WDR87: variants seen among roughly 807,000 people sequenced by gnomAD.
WDR87 encodes WD repeat-containing protein 87.
In WDR87, 56 loss-of-function variants were observed where a neutral mutation model predicts 83.3. That is an observed-to-expected ratio of 0.67 (90% confidence interval 0.54 to 0.84). The LOEUF is 0.84. Among genes scored for constraint, WDR87 ranks in the 40% least tolerant of loss-of-function variants. The pLI, the probability that WDR87 is intolerant of heterozygous loss-of-function variation, is 0.00. For synonymous variants in WDR87, 1,173 were observed against 1,250.6 expected, an observed-to-expected ratio of 0.94 and a Z score of 1.31; for missense variants, 2,939 against 3,431.9, an observed-to-expected ratio of 0.86 and a Z score of 3.59.
chr19:37,898,749 T>G (rs1384874377), intron 1 of WDR87, among the ~76,000 whole-genome samples: 2 of 152,230 alleles, frequency 1.3e-5, no homozygotes, highest in Admixed American at 1.3e-4. Context: ...CTGCTGTTTG[T>G]AGGCTGGCCT....
At chr19:37,906,289 C>T (rs2046328073) in intron 1 of WDR87, among the ~76,000 whole-genome samples, 1 of 152,086 alleles carries the variant, frequency 6.6e-6, no homozygotes, top group South Asian at 2.1e-4. Flanking sequence ...ACACTAGTTA[C>T]CCTCAGGAAT....
At position 37,893,113 on chromosome 19, in the gene WDR87, A is replaced by C. The variant is rs765721311; in HGVS notation, c.2590T>G (p.Trp864Gly). 24 of 1,551,666 alleles carry C rather than the reference A, an allele frequency of 1.5e-5. No homozygotes were observed. The highest frequency in any genetic ancestry group is 2.0e-5 in the Non-Finnish European group (23 of 1,147,028). Residue 864 changes from tryptophan to glycine, a missense_variant, in exon 4 of 6, where the codon TGG (tryptophan) becomes GGG (glycine). Physicochemically the swap from Trp to Gly is radical, Grantham distance 184 (BLOSUM62 -2). Around this residue, in one of 3 missense-constraint regions of WDR87, gnomAD observed 2,160 missense variants for 2,533.1 expected, o/e 0.85. Transcript: ENST00000447313. ...CTTATAGCTCTTACCCTGCTGTGCC[A>C]GAAAAAGAATTCTTGAGACCTGTCC... Reference protein sequence around the residue: ...EWDRSQEFFFWHSRVRAISNT... With the variant: ...EWDRSQEFFFGHSRVRAISNT...
chr19:37,898,000 T>C (rs2046269682), intron 2 of WDR87, among the ~76,000 whole-genome samples, 165 bp downstream of exon 2: 1 of 152,212 alleles, frequency 6.6e-6, no homozygotes, highest in African/African-American at 2.4e-5. Flanking sequence ...GAGAAGTCTG[T>C]GACTCATGGA....
chr19:37,887,648 CTT>C lies in WDR87; in HGVS notation c.6021_6022del (p.Arg2008ThrfsTer3), dbSNP rs781537842. 1.3e-6 allele frequency: 2 copies of C among 1,552,020 alleles called. No individual in the cohort carries two copies. The highest frequency in any genetic ancestry group is 1.7e-6 in the Non-Finnish European group (2 of 1,147,096). On this transcript the variant is annotated frameshift_variant, in exon 6 of 6. Transcript: ENST00000447313. LOFTEE classifies it low-confidence loss of function (END_TRUNC). ...CAGTCTCATCTTCTCCTCAGCCAGT[CTT>C]TTCATTTCCAGGTTCAATGCCTTTT...
chr19:37,894,126 C>G lies in WDR87; in HGVS notation c.1577G>C (p.Cys526Ser), dbSNP rs2145431857. Residue 526 changes from cysteine (C) to serine (S), a missense_variant, in exon 4 of 6, where the codon TGT becomes TCT. Cys to Ser is a moderately radical substitution (Grantham distance 112, BLOSUM62 -1). Around this residue, in one of 3 missense-constraint regions of WDR87, gnomAD observed 553 missense variants for 577.9 expected, o/e 0.96. Coordinates refer to ENST00000447313, the MANE Select transcript of WDR87 (RefSeq NM_001291088.2). ...CACATAGTCATCCATTCCATAGGAA[C>G]AGAGCAGAGAGTTTCCTTGGCCACC... ...IFGGQGNSLL[C>S]SYGMDDYVHL... is the part of the protein sequence containing the mutation. The G allele has an allele frequency of 6.4e-7, 1 of 1,552,338 alleles. No individual in the cohort carries two copies. The highest frequency in any genetic ancestry group is 2.4e-5 in the East Asian group (1 of 40,926).
chr19:37,886,326 C>G lies in WDR87; in HGVS notation c.7345G>C (p.Glu2449Gln). 6.4e-7 allele frequency: 1 copy of G among 1,551,682 alleles called. No homozygotes were observed. The highest frequency in any genetic ancestry group is 8.7e-7 in the Non-Finnish European group (1 of 1,146,996). The change falls in exon 6 of 6, where the codon GAG becomes CAG. Residue 2449 changes from glutamate (E) to glutamine (Q), a missense_variant. This residue lies in a region of WDR87 where 2,160 missense variants were observed against 2,533.1 expected (regional missense o/e 0.85). Coordinates refer to ENST00000447313, the MANE Select transcript of WDR87 (RefSeq NM_001291088.2). ...TTATCTTCCCAGGATATTTGTTTCT[C>G]CGGCACTGGCACTGGTGTTTTCTCT... is the stretch of plus-strand genomic sequence containing the variant. ...MKEKTPVPVP[E>Q]KQISWEDKKA...
chr19:37,889,530 C>T lies in WDR87; in HGVS notation c.4141G>A (p.Val1381Met), dbSNP rs577373170. Reference sequence around the variant, plus strand: ...GCTTGTTCTTCTTCCCTTGGCATCACTTCCTTGTGTCTGATCACCTCTTGG... The same window carrying T: ...GCTTGTTCTTCTTCCCTTGGCATCATTTCCTTGTGTCTGATCACCTCTTGG... Reference protein sequence around the residue: ...VTQEVIRHKEVMPREEEQAQK... With the variant: ...VTQEVIRHKEMMPREEEQAQK... Residue 1381 changes from valine (V) to methionine (M), a missense_variant, in exon 6 of 6, where the codon GTG (valine) becomes ATG (methionine). Val to Met is a conservative substitution (Grantham distance 21). Around this residue, in one of 3 missense-constraint regions of WDR87, gnomAD observed 2,160 missense variants for 2,533.1 expected, o/e 0.85. Transcript: ENST00000447313. The T allele has an allele frequency of 5.8e-6, 9 of 1,551,686 alleles. No homozygotes were observed. Among genetic ancestry groups the T allele is most frequent in the Non-Finnish European group, 7.8e-6 (9 of 1,147,022 alleles).
At position 37,884,893 on chromosome 19, in the gene WDR87, G is replaced by C. The variant is rs778722069; in HGVS notation, c.*39C>G. On this transcript the variant is annotated 3_prime_UTR_variant, in exon 6 of 6. Transcript: ENST00000447313. ...ATCCTGGTAATTAGGCCTTTCTCCA[G>C]TTGGCAATGAAAAGTCCCAGCCTCC... The C allele has an allele frequency of 1.5e-4, 195 of 1,269,160 alleles. No homozygotes were observed. Among genetic ancestry groups the C allele is most frequent in the Non-Finnish European group, 1.8e-4 (180 of 999,124 alleles). 78.6% of individuals were successfully genotyped at this position (1,269,160 alleles called of 1,614,324 possible). A position where few individuals can be genotyped will look rare whatever the true frequency, so the allele number is the denominator to read the frequency against.
chr19:37,904,049 C>G (rs562099723), intron 1 of WDR87, among the ~76,000 whole-genome samples: 1 of 151,948 alleles, frequency 6.6e-6, no homozygotes, highest in South Asian at 2.1e-4. Context: ...GCTACAGGCG[C>G]CCGCCACCAT....
chr19:37,888,805 T>G lies in WDR87; in HGVS notation c.4866A>C (p.Arg1622=). ...KWARIHRKRA[R]AEKKRAQEER... ...CTTCTTGGGCTCGTTTTTTTTCAGC[T>G]CGGGCTCGTTTCCTGTGTATTCTGG... The change falls in exon 6 of 6, where the codon CGA becomes CGC. Residue 1622 remains arginine, a synonymous_variant. Coordinates refer to ENST00000447313, the MANE Select transcript of WDR87 (RefSeq NM_001291088.2). 1 of 1,551,766 alleles carries G rather than the reference T, an allele frequency of 6.4e-7. No individual in the cohort carries two copies. The highest frequency in any genetic ancestry group is 1.7e-4 in the Middle Eastern group (1 of 5,996).
chr19:37,894,324 T>G lies in WDR87; in HGVS notation c.1379A>C (p.Gln460Pro). The G allele has an allele frequency of 7.7e-6, 12 of 1,551,748 alleles. No individual in the cohort carries two copies. The highest frequency in any genetic ancestry group is 9.6e-6 in the Non-Finnish European group (11 of 1,147,016). Residue 460 changes from glutamine to proline, a missense_variant, in exon 4 of 6, where the codon CAA (glutamine) becomes CCA (proline). By Grantham distance (76) the Gln-to-Pro change is moderately conservative. This residue lies in a region of WDR87 where 553 missense variants were observed against 577.9 expected (regional missense o/e 0.96). Coordinates refer to ENST00000447313, the MANE Select transcript of WDR87 (RefSeq NM_001291088.2). ...GTSPNSQDFV[Q>P]CLAYGHFNLG... Reference sequence around the variant, plus strand: ...GTTGAAATGCCCATAAGCCAGGCATTGTACAAAGTCCTGAGAATTTGGTGA... The same window carrying G: ...GTTGAAATGCCCATAAGCCAGGCATGGTACAAAGTCCTGAGAATTTGGTGA...
intron 4 of WDR87, 21 bp downstream of exon 4, chr19:37,892,557 T>C: frequency 2.0e-6 from 3 of 1,465,994 alleles, no homozygotes; most frequent in East Asian, 2.5e-5. Context: ...GGGTGAAGAA[T>C]TGAAGGAAGC....
intron 1 of WDR87, among the ~76,000 whole-genome samples, chr19:37,904,427 T>C (rs2145447494): frequency 6.6e-6 from 1 of 151,820 alleles, no homozygotes; most frequent in Non-Finnish European, 1.5e-5. Context: ...GGCGCGATCT[T>C]GGCTCACTGC....
In WDR87 at chr19:37,892,697, T is replaced by C; in HGVS notation, c.3006A>G (p.Leu1002=). The C allele has an allele frequency of 6.4e-7, 1 of 1,551,830 alleles. No homozygotes were observed. The highest frequency in any genetic ancestry group is 8.7e-7 in the Non-Finnish European group (1 of 1,147,028). ...TCCTCACTCTTTCATCCTTGTCCAT[T>C]AATCCTTGAGCCAGAGGCATGGCAA... The part of the protein sequence containing the change: ...HLFAMPLAQG[L]MDKDERVRIK... The change falls in exon 4 of 6, where the codon TTA becomes TTG. Residue 1002 remains leucine, a synonymous_variant. Coordinates refer to ENST00000447313, the MANE Select transcript of WDR87 (RefSeq NM_001291088.2).
chr19:37,885,735 C>T lies in WDR87; in HGVS notation c.7936G>A (p.Ala2646Thr), dbSNP rs2145415156. Reference protein sequence around the residue: ...KYLKVIPPIKAKEKESWPKPL... With the variant: ...KYLKVIPPIKTKEKESWPKPL... ...TTTGGCCAGCTCTCCTTTTCCTTTG[C>T]TTTTATAGGAGGAATCACTTTCAGG... The change falls in exon 6 of 6, where the codon GCA becomes ACA. Residue 2646 changes from alanine to threonine, a missense_variant. This residue lies in a region of WDR87 where 2,160 missense variants were observed against 2,533.1 expected (regional missense o/e 0.85). Transcript: ENST00000447313. 2 of 1,551,660 alleles carry T rather than the reference C, an allele frequency of 1.3e-6. No homozygotes were observed. Among genetic ancestry groups the T allele is most frequent in the African/African-American group, 1.4e-5 (1 of 73,156 alleles).
At chr19:37,897,290 C>CT (rs1305735796) in intron 2 of WDR87, among the ~76,000 whole-genome samples, 1 of 149,768 alleles carries the variant, frequency 6.7e-6, no homozygotes, top group Non-Finnish European at 1.5e-5. Flanking sequence ...TCATTGCAAC[C>CT]TTTGCCTCCT....
Position 37,896,244 on chromosome 19 carries a change from T to C in WDR87, c.140A>G (p.Lys47Arg), listed in dbSNP as rs1249987960. The stretch of plus-strand genomic sequence containing the variant: ...CATATTTTGAGGATAGCGAGACTCT[T>C]TGAACAGTACCTGGGACCGGTCACT... ...VLSDRSQVLF[K>R]ESRYPQNMPC... Residue 47 changes from lysine to arginine, a missense_variant, in exon 3 of 6, where the codon AAA (lysine) becomes AGA (arginine). Around this residue, in one of 3 missense-constraint regions of WDR87, gnomAD observed 226 missense variants for 320.9 expected, o/e 0.70. Coordinates refer to ENST00000447313, the MANE Select transcript of WDR87 (RefSeq NM_001291088.2). 1.9e-6 allele frequency: 3 copies of C among 1,552,126 alleles called. No individual in the cohort carries two copies. Among genetic ancestry groups the C allele is most frequent in the African/African-American group, 1.4e-5 (1 of 73,168 alleles).
chr19:37,887,826 CCAGTTTCT>C lies in WDR87; in HGVS notation c.5837_5844del (p.Glu1946GlyfsTer2). 1.3e-6 allele frequency: 2 copies of C among 1,550,964 alleles called. No homozygotes were observed. Among genetic ancestry groups the C allele is most frequent in the Non-Finnish European group, 8.7e-7 (1 of 1,146,908 alleles). On this transcript the variant is annotated frameshift_variant, in exon 6 of 6. Transcript: ENST00000447313. LOFTEE classifies it low-confidence loss of function (END_TRUNC). ...TGGACCAATTTTTTCTCTGTTTCAG[CCAGTTTCT>C]CCTTCTTCTTGATCACAGTCTCCTT...
chr19:37,887,854 C>G lies in WDR87; in HGVS notation c.5817G>C (p.Glu1939Asp). Residue 1939 changes from glutamate to aspartate, a missense_variant, in exon 6 of 6, where the codon GAG becomes GAC. This residue lies in a region of WDR87 where 2,160 missense variants were observed against 2,533.1 expected (regional missense o/e 0.85). Transcript: ENST00000447313. Reference protein sequence around the residue: ...QVEEKLTQEKETVIKKKEKLA... With the variant: ...QVEEKLTQEKDTVIKKKEKLA... ...GTTTCTCCTTCTTCTTGATCACAGTCTCCTTTTCCTGTGTCAGCTTCTCCT... is the reference window on the plus strand; with the variant it reads ...GTTTCTCCTTCTTCTTGATCACAGTGTCCTTTTCCTGTGTCAGCTTCTCCT... The G allele has an allele frequency of 6.4e-7, 1 of 1,551,180 alleles. No individual in the cohort carries two copies. Among genetic ancestry groups the G allele is most frequent in the South Asian group, 1.2e-5 (1 of 83,826 alleles).
Sources: gnomAD v4.1 joint callset for allele counts (sites outside exome capture counted in the v4.1 genomes callset) on GRCh38, gnomAD v4.1.1 for gene constraint, gnomAD v4.1.1 regional missense constraint, MANE v1.5 for transcripts, NCBI Gene and HGNC (gene_info 2026-07-23, HGNC 2026-07-21) for gene names.